DYM: variants seen among roughly 807,000 people sequenced by gnomAD.
DYM encodes dymeclin.
A neutral mutation model predicts 93.1 loss-of-function variants in DYM; 78 were observed. The observed-to-expected ratio is 0.84, with a 90% CI of 0.70 to 1.01. The LOEUF is 1.01. Ranked by LOEUF, DYM falls within the 50% of genes least tolerant of loss-of-function variation. DYM has a pLI of 0.00. For synonymous variants in DYM, 321 were observed against 319.7 expected (o/e 1.00, Z -0.04); for missense variants, 789 against 845.0 (o/e 0.93, Z 0.82).
At chr18:49,156,773 T>C (rs1320931337) in intron 15 of DYM, among the ~76,000 whole-genome samples, 1 of 151,530 alleles carries the variant, frequency 6.6e-6, no homozygotes, top group Non-Finnish European at 1.5e-5. Flanking sequence ...AGACAGCATT[T>C]CTACCTACAT....
At chr18:49,413,175 A>T (rs1382398056) in intron 2 of DYM, 1 of 152,286 alleles carries the variant, frequency 6.6e-6, no homozygotes, top group Non-Finnish European at 1.5e-5. Context: ...ACAGTGTGGC[A>T]TGATGGTCAA....
chr18:49,413,496 A>G (rs949224305), intron 2 of DYM, among the ~76,000 whole-genome samples: 42 of 152,190 alleles, frequency 2.8e-4, no homozygotes, highest in African/African-American at 9.9e-4. Context: ...CATTTATCTC[A>G]GTAGAATTAA....
intron 7 of DYM, among the ~76,000 whole-genome samples, chr18:49,333,248 C>G (rs1301341205): frequency 2.0e-5 from 3 of 152,208 alleles, no homozygotes; most frequent in African/African-American, 7.2e-5. Context: ...CACAGTCTAA[C>G]ATGCCTGGCA....
chr18:49,170,994 G>A (rs4567802), intron 14 of DYM, among the ~76,000 whole-genome samples: 97,506 of 151,664 alleles, frequency 0.64, 32,039 homozygotes, highest in Non-Finnish European at 0.73. Context: ...AAAAACAAAC[G>A]TACAAACAAA....
intron 1 of DYM, among the ~76,000 whole-genome samples, chr18:49,452,342 G>GGAA (rs1169728688): frequency 3.3e-5 from 5 of 152,150 alleles, no homozygotes; most frequent in Non-Finnish European, 5.9e-5. Context: ...CCCGCAGTGT[G>GGAA]GAAGGGGACC....
At chr18:49,369,402 A>C (rs1007167541) in intron 5 of DYM, among the ~76,000 whole-genome samples, 2 of 152,162 alleles carry the variant, frequency 1.3e-5, no homozygotes, top group African/African-American at 4.8e-5. Context: ...CTTGGACAGA[A>C]CTGCTTCTTC....
chr18:49,179,451 T>C (rs974602425), intron 14 of DYM, among the ~76,000 whole-genome samples: 1 of 152,150 alleles, frequency 6.6e-6, no homozygotes, highest in Non-Finnish European at 1.5e-5. Flanking sequence ...CTAATGTGAT[T>C]CTACCATTTG....
At chr18:49,331,746 C>T (rs1385563893) in intron 8 of DYM, 118 bp downstream of exon 8, 4 of 1,106,020 alleles carry the variant, frequency 3.6e-6, no homozygotes, top group East Asian at 4.7e-5. Context: ...CACATTGAAC[C>T]AGCTGCACAA....
intron 15 of DYM, among the ~76,000 whole-genome samples, chr18:49,153,047 A>T (rs2085995711): frequency 6.6e-6 from 1 of 152,182 alleles, no homozygotes; most frequent in Admixed American, 6.6e-5. Flanking sequence ...TAGCATGGTG[A>T]CTGTAGTTAA....
chr18:49,251,387 C>T (rs534852290), intron 13 of DYM, among the ~76,000 whole-genome samples: 1 of 152,084 alleles, frequency 6.6e-6, no homozygotes, highest in African/African-American at 2.4e-5. Flanking sequence ...ACTTCAGGGT[C>T]CAGTAAGATA....
At chr18:49,255,952 C>G (rs375065265) in intron 13 of DYM, among the ~76,000 whole-genome samples, 1 of 151,270 alleles carries the variant, frequency 6.6e-6, no homozygotes, top group African/African-American at 2.4e-5. Context: ...GGTGTGGTGG[C>G]GGGCACCTGT....
At chr18:49,181,735 T>C (rs2089947046) in intron 14 of DYM, among the ~76,000 whole-genome samples, 1 of 152,156 alleles carries the variant, frequency 6.6e-6, no homozygotes, top group Admixed American at 6.6e-5. Context: ...TGGCCAAAGG[T>C]TTATCATTTT....
chr18:49,056,095 G>A (rs1327558641), intron 17 of DYM, among the ~76,000 whole-genome samples: 1 of 152,124 alleles, frequency 6.6e-6, no homozygotes, highest in Non-Finnish European at 1.5e-5. Context: ...GAAACTTTGG[G>A]GTTTCTCAAG....
chr18:49,108,931 T>TG (rs2081137699), intron 16 of DYM, among the ~76,000 whole-genome samples: 2 of 152,344 alleles, frequency 1.3e-5, no homozygotes, highest in African/African-American at 4.8e-5. Context: ...CCTTGGTGAA[T>TG]TGACTTCTTT....
chr18:49,065,996 G>A (rs150662787), intron 17 of DYM, among the ~76,000 whole-genome samples: 45 of 152,166 alleles, frequency 3.0e-4, no homozygotes, highest in Middle Eastern at 3.4e-3. Flanking sequence ...AAGTAAAGGA[G>A]CCTTCATGGA....
intron 2 of DYM, among the ~76,000 whole-genome samples, chr18:49,398,697 T>C (rs552861342): frequency 6.6e-6 from 1 of 152,332 alleles, no homozygotes; most frequent in South Asian, 2.1e-4. Context: ...GACACTCCAG[T>C]GTCTTCATCA....
chr18:49,310,536 C>T (rs1467414069), intron 8 of DYM, among the ~76,000 whole-genome samples: 2 of 152,098 alleles, frequency 1.3e-5, no homozygotes, highest in South Asian at 2.1e-4. Flanking sequence ...ATTTGCCACA[C>T]ATACATAGAA....
In DYM at chr18:49,088,541, C is replaced by T. The variant is rs528864780; in HGVS notation, c.2025+8861G>A. Among the ~76,000 whole-genome samples the T allele has an allele frequency of 2.0e-5, 3 of 148,682 alleles. No homozygotes were observed. In the Admixed American group the frequency reaches 2.0e-4, roughly 10 times the overall value. On this transcript the variant is annotated intron_variant, in intron 17 of 17. Coordinates refer to ENST00000675505, the MANE Select transcript of DYM (RefSeq NM_001353214.3). ...AAACCTGCACATTGTGCACATGTAC[C>T]CTAGAACTTAAAAAAAAAAAAAAAA...
At chr18:49,323,745 G>A (rs561875041) in intron 8 of DYM, among the ~76,000 whole-genome samples, 15 of 152,242 alleles carry the variant, frequency 9.9e-5, no homozygotes, top group African/African-American at 3.4e-4. Context: ...CCCAGCCTAC[G>A]GTATTTTGTT....
Sources: allele counts gnomAD v4.1 joint callset (sites outside exome capture counted in the v4.1 genomes callset), GRCh38; gene constraint gnomAD v4.1.1; transcripts MANE v1.5; gene names NCBI Gene and HGNC (gene_info 2026-07-23, HGNC 2026-07-21).